GREM2: variants seen among roughly 807,000 people sequenced by gnomAD.
GREM2 encodes the protein gremlin-2.
A neutral mutation model predicts 14.2 loss-of-function variants in GREM2; 11 were observed. The observed-to-expected ratio is 0.78, with a 90% CI of 0.49 to 1.28. The LOEUF is 1.28. Among genes scored for constraint, GREM2 ranks in the 50% most tolerant of loss-of-function variants. The pLI is 0.00. For synonymous variants in GREM2, 98 were observed against 97.6 expected (o/e 1.00, Z -0.02); for missense variants, 210 against 218.5 (o/e 0.96, Z 0.24).
Position 240,492,879 on chromosome 1 carries a change from A to G in GREM2, c.*90T>C, listed in dbSNP as rs1677291061. The stretch of plus-strand genomic sequence containing the variant: ...CTGAGGGGGAACACCAGGCAGCGTG[A>G]CAGTGGGCTCGGAGGGCAGGGACAG... On this transcript the variant is annotated 3_prime_UTR_variant, in exon 2 of 2. Coordinates refer to ENST00000318160, the MANE Select transcript of GREM2 (RefSeq NM_022469.4). 7 of 1,234,398 alleles carry G rather than the reference A, an allele frequency of 5.7e-6. No individual in the cohort carries two copies. Among genetic ancestry groups the G allele is most frequent in the Non-Finnish European group, 7.2e-6 (7 of 966,560 alleles). The allele number at this position is 1,234,398 out of a possible 1,614,324, so 76.5% of individuals were successfully genotyped here. A position where few individuals can be genotyped will look rare whatever the true frequency, so the allele number is the denominator to read the frequency against.
intron 1 of GREM2, among the ~76,000 whole-genome samples, chr1:240,527,315 G>A (rs187164377): frequency 1.3e-5 from 2 of 152,280 alleles, no homozygotes; most frequent in African/African-American, 2.4e-5. Flanking sequence ...ACTATTTATA[G>A]GACTCACTGG....
chr1:240,524,963 C>T (rs139199042), intron 1 of GREM2, among the ~76,000 whole-genome samples: 157 of 152,242 alleles, frequency 1.0e-3, no homozygotes, highest in African/African-American at 3.3e-3. Context: ...CCTCCTGTCC[C>T]AGCTACTGAG....
chr1:240,507,538 G>A (rs1421252655), intron 1 of GREM2, among the ~76,000 whole-genome samples: 2 of 151,974 alleles, frequency 1.3e-5, no homozygotes, highest in Admixed American at 6.6e-5. Flanking sequence ...TCACCATGTT[G>A]GCCAAGGTGG....
rs1480727378 is a variant in GREM2 at position 240,542,567 on chromosome 1, A to G, written c.-1-49091T>C. On this transcript the variant is annotated intron_variant, in intron 1 of 1. Coordinates refer to ENST00000318160, the MANE Select transcript of GREM2 (RefSeq NM_022469.4). This position sits in a 1 kb window ranked among gnomAD's most constrained non-coding sequence, Gnocchi z 4.1. ...GAGGCGGAGGTTGCAGTGAGCCAAG[A>G]TTGTGCCCCTGCACTCCAGCCTAGT... 6.6e-6 allele frequency among the ~76,000 whole-genome samples: 1 copy of G among 151,946 alleles called. No individual in the cohort carries two copies. The highest frequency in any genetic ancestry group is 1.9e-4 in the East Asian group (1 of 5,176).
At chr1:240,497,534 C>T (rs1046956967) in intron 1 of GREM2, among the ~76,000 whole-genome samples, 24 of 151,322 alleles carry the variant, frequency 1.6e-4, no homozygotes, top group Non-Finnish European at 5.9e-5. Flanking sequence ...CCCTTGAAAT[C>T]TGAACAGGAT....
chr1:240,523,906 T>C (rs144370675), intron 1 of GREM2, among the ~76,000 whole-genome samples: 1 of 152,388 alleles, frequency 6.6e-6, no homozygotes, highest in East Asian at 1.9e-4. Flanking sequence ...TGTGTGTTAC[T>C]AACATTTAGT....
intron 1 of GREM2, among the ~76,000 whole-genome samples, chr1:240,571,968 T>G (rs1406364014): frequency 1.3e-5 from 2 of 152,172 alleles, no homozygotes; most frequent in African/African-American, 4.8e-5. Context: ...ACCAGCCACC[T>G]ACGTCAGCAT....
intron 1 of GREM2, among the ~76,000 whole-genome samples, chr1:240,610,829 A>G (rs1680117085): frequency 1.3e-5 from 2 of 152,314 alleles, no homozygotes; most frequent in East Asian, 1.9e-4. Flanking sequence ...AGCGCTTTTC[A>G]TAGGGATTCA....
intron 1 of GREM2, among the ~76,000 whole-genome samples, chr1:240,566,382 A>G (rs1335511432): frequency 6.6e-6 from 1 of 152,200 alleles, no homozygotes; most frequent in Admixed American, 6.5e-5. Context: ...TGGAAGATGG[A>G]AAATAAAGTG....
chr1:240,591,768 A>T (rs576369224), intron 1 of GREM2, among the ~76,000 whole-genome samples: 12 of 152,196 alleles, frequency 7.9e-5, no homozygotes, highest in Non-Finnish European at 1.3e-4. Flanking sequence ...TTTGGAGGTC[A>T]TCCAGGAGCT....
At chr1:240,582,051 G>T (rs1679495967) in intron 1 of GREM2, among the ~76,000 whole-genome samples, 2 of 152,228 alleles carry the variant, frequency 1.3e-5, no homozygotes, top group South Asian at 4.1e-4. Flanking sequence ...TGGGGTGGCA[G>T]CTGAAAGGTG....
intron 1 of GREM2, among the ~76,000 whole-genome samples, chr1:240,499,948 A>G (rs1677529661): frequency 6.6e-6 from 1 of 152,204 alleles, no homozygotes. Flanking sequence ...TCCTGCTCCA[A>G]ACATTTTCTA....
intron 1 of GREM2, among the ~76,000 whole-genome samples, chr1:240,534,687 C>T (rs1485579472): frequency 2.7e-5 from 3 of 109,310 alleles, no homozygotes; most frequent in African/African-American, 1.1e-4. Context: ...AGCGAGACTC[C>T]ATCTCAAAAA....
intron 1 of GREM2, among the ~76,000 whole-genome samples, chr1:240,587,643 T>A (rs1679624031): frequency 6.6e-6 from 1 of 152,170 alleles, no homozygotes; most frequent in Admixed American, 6.5e-5. Flanking sequence ...ATGAGCATTT[T>A]TTCATGTAAA....
At chr1:240,604,862 C>T (rs1679997809) in intron 1 of GREM2, among the ~76,000 whole-genome samples, 1 of 152,200 alleles carries the variant, frequency 6.6e-6, no homozygotes, top group African/African-American at 2.4e-5. Context: ...TAAATAGTAA[C>T]TTCTCTTAGA....
In GREM2 at chr1:240,490,707, T is replaced by A. The variant is rs1436881647; in HGVS notation, c.*2262A>T. On this transcript the variant is annotated 3_prime_UTR_variant, in exon 2 of 2. Coordinates refer to ENST00000318160, the MANE Select transcript of GREM2 (RefSeq NM_022469.4). ...TTGCTTTCATTGCTACACCCACAATTGGGTTCGAAGAGAGTGTGCTCGTGT... is the reference window on the plus strand; with the variant it reads ...TTGCTTTCATTGCTACACCCACAATAGGGTTCGAAGAGAGTGTGCTCGTGT... 1 of 152,290 alleles carries A rather than the reference T, an allele frequency of 6.6e-6. No individual in the cohort carries two copies. Among genetic ancestry groups the A allele is most frequent in the Admixed American group, 6.5e-5 (1 of 15,270 alleles). The allele number at this position is 152,290 out of a possible 1,614,324, so 9.4% of individuals were successfully genotyped here. A position where few individuals can be genotyped will look rare whatever the true frequency, so the allele number is the denominator to read the frequency against.
rs113987234 is a variant in GREM2 at position 240,492,484 on chromosome 1, T to C, written c.*485A>G. ...GAGGGCAGCCTGCCAGTCACAAGAA[T>C]GAGCGCTCCCAGCCAGAGGTCCAGG... On this transcript the variant is annotated 3_prime_UTR_variant, in exon 2 of 2. Coordinates refer to ENST00000318160, the MANE Select transcript of GREM2 (RefSeq NM_022469.4). The C allele has an allele frequency of 0.018, 3,360 of 191,420 alleles. 117 individuals are homozygous for C. The highest frequency in any genetic ancestry group is 0.07 in the African/African-American group (3,056 of 43,748). 11.9% of individuals were successfully genotyped at this position (191,420 alleles called of 1,614,324 possible).
intron 1 of GREM2, among the ~76,000 whole-genome samples, chr1:240,583,891 C>T (rs895656386): frequency 2.6e-5 from 4 of 152,034 alleles, no homozygotes; most frequent in East Asian, 1.9e-4. Context: ...CATGAGCCAC[C>T]GCGCCCAGCC....
At chr1:240,589,861 T>C (rs1194048730) in intron 1 of GREM2, among the ~76,000 whole-genome samples, 1 of 152,186 alleles carries the variant, frequency 6.6e-6, no homozygotes, top group Non-Finnish European at 1.5e-5. Flanking sequence ...GAAGGCTTGC[T>C]GGAACAGGTG....
Sources: allele counts gnomAD v4.1 joint callset (sites outside exome capture counted in the v4.1 genomes callset), GRCh38; gene constraint gnomAD v4.1.1; non-coding constraint Gnocchi (gnomAD v3.1); transcripts MANE v1.5; gene names NCBI Gene and HGNC (gene_info 2026-07-23, HGNC 2026-07-21).